CDH12: variants seen among roughly 807,000 people sequenced by gnomAD.
CDH12 encodes the protein cadherin 12, also known as cadherin-12.
CDH12 carries 41 observed loss-of-function variants against 74.1 expected under a neutral mutation model. The ratio of observed to expected loss-of-function variants is 0.55; its 90% CI spans 0.43 to 0.72. The LOEUF is 0.72. CDH12 is among the 30% of genes least tolerant of loss of function. The pLI, the probability that CDH12 is intolerant of heterozygous loss-of-function variation, is 0.00. For missense variants in CDH12, 945 were observed against 977.2 expected (o/e 0.97, Z 0.44); for synonymous variants, 399 against 355.0 (o/e 1.12, Z -1.39).
intron 2 of CDH12, among the ~76,000 whole-genome samples, chr5:22,490,943 TC>T (rs752890867): frequency 6.6e-6 from 1 of 152,138 alleles, no homozygotes; most frequent in Non-Finnish European, 1.5e-5. Flanking sequence ...CAGCCTAGAT[TC>T]CTTTTATTTT....
chr5:22,204,179 T>TG (rs199836847), intron 4 of CDH12, among the ~76,000 whole-genome samples: 1,885 of 150,240 alleles, frequency 0.013, 49 homozygotes, highest in African/African-American at 0.036. Flanking sequence ...TTTTTTTGTT[T>TG]TTTGTTTTTT....
chr5:21,806,907 C>G (rs1287645527), intron 9 of CDH12, among the ~76,000 whole-genome samples: 2 of 152,170 alleles, frequency 1.3e-5, no homozygotes, highest in Non-Finnish European at 2.9e-5. Flanking sequence ...ATAACTGATG[C>G]CCTCCTTGGT....
At chr5:22,129,335 T>A (rs1246261001) in intron 4 of CDH12, among the ~76,000 whole-genome samples, 2 of 152,256 alleles carry the variant, frequency 1.3e-5, no homozygotes, top group African/African-American at 2.4e-5. Context: ...AATGCAATGG[T>A]GTGTGCAAGT....
intron 1 of CDH12, among the ~76,000 whole-genome samples, chr5:22,541,843 A>G (rs1738114902): frequency 6.6e-6 from 1 of 152,178 alleles, no homozygotes; most frequent in African/African-American, 2.4e-5. Flanking sequence ...ACACCTGCCA[A>G]ATGAAGGACT....
intron 5 of CDH12, among the ~76,000 whole-genome samples, chr5:22,052,095 G>A (rs1740411646): frequency 6.6e-6 from 1 of 152,032 alleles, no homozygotes; most frequent in Non-Finnish European, 1.5e-5. Context: ...TTTACCCCTT[G>A]GTTAAAATGT....
At chr5:22,343,134 C>G (rs998093791) in intron 3 of CDH12, among the ~76,000 whole-genome samples, 4 of 151,864 alleles carry the variant, frequency 2.6e-5, no homozygotes, top group African/African-American at 9.7e-5. Context: ...GGATTACAGG[C>G]CTAAGCCACC....
chr5:22,014,065 A>G (rs924827631), intron 5 of CDH12, among the ~76,000 whole-genome samples: 8 of 152,074 alleles, frequency 5.3e-5, no homozygotes, highest in African/African-American at 1.9e-4. Context: ...CATCTCTACT[A>G]AAAATGCAAA....
intron 5 of CDH12, among the ~76,000 whole-genome samples, chr5:22,017,763 C>CT (rs756517987): frequency 0.022 from 3,061 of 140,392 alleles, 73 homozygotes; most frequent in African/African-American, 0.059. Flanking sequence ...TCCCTCCATT[C>CT]TTTTTTTTTT....
At chr5:22,353,020 T>C (rs1435008301) in intron 3 of CDH12, among the ~76,000 whole-genome samples, 1 of 152,188 alleles carries the variant, frequency 6.6e-6, no homozygotes, top group African/African-American at 2.4e-5. Context: ...TCCTCACTTA[T>C]GCTAGTTAGA....
chr5:22,350,862 C>T (rs981224353), intron 3 of CDH12, among the ~76,000 whole-genome samples: 2 of 152,108 alleles, frequency 1.3e-5, no homozygotes, highest in East Asian at 3.9e-4. Context: ...TGTTTATAGG[C>T]AAAGGTGAGG....
chr5:22,682,648 G>A (rs1741556016), intron 1 of CDH12, among the ~76,000 whole-genome samples: 1 of 151,918 alleles, frequency 6.6e-6, no homozygotes, highest in Non-Finnish European at 1.5e-5. Flanking sequence ...GGAATTATAA[G>A]CAGTCCTCTA....
intron 3 of CDH12, among the ~76,000 whole-genome samples, chr5:22,370,673 T>A (rs1295693486): frequency 6.6e-6 from 1 of 152,036 alleles, no homozygotes; most frequent in Non-Finnish European, 1.5e-5. Flanking sequence ...TTAGTCAAGA[T>A]TACAGAATCA....
intron 4 of CDH12, among the ~76,000 whole-genome samples, chr5:22,115,551 A>C (rs2150266020): frequency 6.6e-6 from 1 of 152,278 alleles, no homozygotes; most frequent in African/African-American, 2.4e-5. Flanking sequence ...CTATAGTATT[A>C]TGTGATGCAT....
At chr5:22,310,587 T>C (rs1738346051) in intron 3 of CDH12, among the ~76,000 whole-genome samples, 1 of 152,184 alleles carries the variant, frequency 6.6e-6, no homozygotes, top group Admixed American at 6.5e-5. Flanking sequence ...CTTTTAGCAT[T>C]TTCAAATTCT....
At chr5:22,343,321 CACAGAG>C (rs1445700957) in intron 3 of CDH12, among the ~76,000 whole-genome samples, 37 of 124,292 alleles carry the variant, frequency 3.0e-4, no homozygotes, top group Non-Finnish European at 5.1e-4. Context: ...CAGACACACA[CACAGAG>C]AGAGAGAGAG....
At chr5:22,567,933 C>T (rs1276856728) in intron 1 of CDH12, among the ~76,000 whole-genome samples, 1 of 152,204 alleles carries the variant, frequency 6.6e-6, no homozygotes, top group Non-Finnish European at 1.5e-5. Context: ...CCTATGGTAA[C>T]CTTATGGGAA....
intron 3 of CDH12, among the ~76,000 whole-genome samples, chr5:22,229,136 T>G (rs1459697781): frequency 6.6e-6 from 1 of 151,462 alleles, no homozygotes; most frequent in African/African-American, 2.4e-5. Context: ...AAATCCTTTT[T>G]CTTTTTTTTT....
At chr5:22,063,225 T>C (rs535788353) in intron 5 of CDH12, among the ~76,000 whole-genome samples, 43 of 152,236 alleles carry the variant, frequency 2.8e-4, no homozygotes, top group African/African-American at 8.7e-4. Flanking sequence ...ACATTATACA[T>C]ATAATTTTAA....
In CDH12 at chr5:21,814,142, A is replaced by AGTGTGTGT. The variant is rs59666017; in HGVS notation, c.1002+2795_1002+2802dup. 4.3e-3 allele frequency among the ~76,000 whole-genome samples: 624 copies of AGTGTGTGT among 145,586 alleles called. 4 individuals are homozygous for AGTGTGTGT. Among genetic ancestry groups the AGTGTGTGT allele is most frequent in the South Asian group, 0.012 (54 of 4,418 alleles). ...TGATTCATCCACCACAGGAGAAATG[A>AGTGTGTGT]GTGTGTGTGTGTGTGTGTGTGTGTG... On this transcript the variant is annotated intron_variant, in intron 9 of 14. Coordinates refer to ENST00000382254, the MANE Select transcript of CDH12 (RefSeq NM_004061.5).
Sources: gnomAD v4.1 joint callset for allele counts (sites outside exome capture counted in the v4.1 genomes callset) on GRCh38, gnomAD v4.1.1 for gene constraint, MANE v1.5 for transcripts, NCBI Gene and HGNC (gene_info 2026-07-23, HGNC 2026-07-21) for gene names.